The following SGF29 variants were observed in gnomAD, a reference collection of about 807,000 sequenced individuals.
The protein encoded by SGF29 is SAGA complex associated factor 29.
SGF29 carries 15 observed loss-of-function variants against 38.1 expected under a neutral mutation model. The observed-to-expected ratio is 0.39, with a 90% CI of 0.26 to 0.61. SGF29 has a LOEUF of 0.61. Ranked by LOEUF, SGF29 falls within the 20% of genes least tolerant of loss-of-function variation. SGF29 has a pLI of 0.49. For missense variants in SGF29, 184 were observed against 394.6 expected (o/e 0.47, Z 4.52); for synonymous variants, 151 against 160.8 (o/e 0.94, Z 0.46).
At chr16:28,557,330 A>G (rs571244337) in intron 1 of SGF29, among the ~76,000 whole-genome samples, 1 of 152,308 alleles carries the variant, frequency 6.6e-6, no homozygotes, top group South Asian at 2.1e-4. Flanking sequence ...ACTCTGTGAT[A>G]TTGTAAAATA....
intron 1 of SGF29, among the ~76,000 whole-genome samples, chr16:28,564,564 TAC>T (rs745318024): frequency 1.1e-4 from 13 of 121,880 alleles, no homozygotes; most frequent in East Asian, 2.2e-4. Context: ...TATATATATA[TAC>T]GTATATATAT....
intron 1 of SGF29, among the ~76,000 whole-genome samples, chr16:28,567,169 T>C (rs1218994903): frequency 1.3e-5 from 2 of 152,180 alleles, no homozygotes; most frequent in Admixed American, 6.6e-5. Flanking sequence ...AGTAGAAGTG[T>C]GTAAGAAATA....
intron 1 of SGF29, among the ~76,000 whole-genome samples, chr16:28,564,875 C>T (rs1322131525): frequency 6.7e-6 from 1 of 149,628 alleles, no homozygotes; most frequent in African/African-American, 2.5e-5. Flanking sequence ...GGTGAAATCC[C>T]ATGATAGGCC....
intron 2 of SGF29, among the ~76,000 whole-genome samples, chr16:28,582,385 G>GT (rs1555476364): frequency 1.1e-4 from 17 of 151,898 alleles, no homozygotes; most frequent in Admixed American, 1.1e-3. Flanking sequence ...ATGATGGGGG[G>GT]CACGCAACAT....
chr16:28,584,838 A>C (rs1241268772), intron 2 of SGF29, 75 bp from the exon 3 acceptor site: 2 of 950,788 alleles, frequency 2.1e-6, no homozygotes, highest in Admixed American at 2.2e-5. Context: ...GGGGATGGGG[A>C]CTCTGGCCTG....
At chr16:28,591,364 C>T (rs1228094985) in intron 9 of SGF29, among the ~76,000 whole-genome samples, 1 of 152,212 alleles carries the variant, frequency 6.6e-6, no homozygotes, top group Non-Finnish European at 1.5e-5. Flanking sequence ...GGAGTCAGCA[C>T]CCCTACTCCT....
At position 28,585,001 on chromosome 16, in the gene SGF29, G is replaced by A. The variant is rs778464911; in HGVS notation, c.151+13G>A. ...ACAGAGAACAAGAGTGAGTAGCTGG[G>A]CTCAGGAGAGAAAGGGGATGAGATG... On this transcript the variant is annotated intron_variant, in intron 3 of 9. Coordinates refer to ENST00000317058, the MANE Select transcript of SGF29 (RefSeq NM_138414.3). 36 of 1,610,498 alleles carry A rather than the reference G, an allele frequency of 2.2e-5. 1 individual carries two copies. The South Asian group carries it at 2.9e-4, about 13-fold the overall frequency.
intron 1 of SGF29, among the ~76,000 whole-genome samples, chr16:28,578,721 T>A (rs2151649569): frequency 6.8e-6 from 1 of 146,718 alleles, no homozygotes; most frequent in South Asian, 2.1e-4. Context: ...GGTGGGTGGA[T>A]CACGAGGTCA....
intron 1 of SGF29, among the ~76,000 whole-genome samples, chr16:28,564,695 A>ATGTATATATATG (rs2046820032): frequency 3.8e-5 from 2 of 52,000 alleles, no homozygotes; most frequent in Non-Finnish European, 9.2e-5. Flanking sequence ...GTGTATATAT[A>ATGTATATATATG]TGTATATATA....
chr16:28,564,685 GTGTATATATA>G (rs1245741586), intron 1 of SGF29, among the ~76,000 whole-genome samples: 5 of 71,190 alleles, frequency 7.0e-5, no homozygotes, highest in East Asian at 3.6e-4. Flanking sequence ...GTATATATAT[GTGTATATATA>G]TGTATATATA....
intron 4 of SGF29, 29 bp from the exon 5 acceptor site, chr16:28,589,071 C>A (rs1295716001): frequency 1.9e-6 from 3 of 1,613,202 alleles, no homozygotes; most frequent in Non-Finnish European, 1.7e-6. Flanking sequence ...GTTAACCAAA[C>A]CCTCTTTCTC....
chr16:28,589,386 C>T, intron 5 of SGF29: 1 of 534,982 alleles, frequency 1.9e-6, no homozygotes, highest in Non-Finnish European at 3.4e-6. Flanking sequence ...AGAGATCATC[C>T]CGCCCTGGCC....
chr16:28,563,717 T>C (rs927242957), intron 1 of SGF29, among the ~76,000 whole-genome samples: 1 of 112,100 alleles, frequency 8.9e-6, no homozygotes, highest in Non-Finnish European at 2.0e-5. Context: ...GAAACAGACT[T>C]TTTTTTTTTT....
At chr16:28,583,254 C>T (rs1368254621) in intron 2 of SGF29, among the ~76,000 whole-genome samples, 2 of 152,230 alleles carry the variant, frequency 1.3e-5, no homozygotes, top group African/African-American at 2.4e-5. Flanking sequence ...TCTGTTAACT[C>T]GGCTACTGTT....
At chr16:28,580,967 T>A in intron 1 of SGF29, 88 bp from the exon 2 acceptor site, 1 of 987,476 alleles carries the variant, frequency 1.0e-6, no homozygotes, top group Non-Finnish European at 1.6e-6. Context: ...AGCATGAGCC[T>A]CCAGGCCTAA....
chr16:28,581,465 A>G (rs939123791), intron 2 of SGF29, among the ~76,000 whole-genome samples: 1 of 152,210 alleles, frequency 6.6e-6, no homozygotes, highest in African/African-American at 2.4e-5. Context: ...GATCAATTTC[A>G]GAACATTTTT....
chr16:28,561,248 T>C (rs2046787700), intron 1 of SGF29, among the ~76,000 whole-genome samples: 2 of 150,678 alleles, frequency 1.3e-5, no homozygotes, highest in Non-Finnish European at 3.0e-5. Flanking sequence ...AAAAATTAGC[T>C]GGACAGGCAC....
At chr16:28,556,535 CAG>C (rs1424810076) in intron 1 of SGF29, among the ~76,000 whole-genome samples, 1 of 152,180 alleles carries the variant, frequency 6.6e-6, no homozygotes, top group East Asian at 1.9e-4. Flanking sequence ...TTAGTAGAGA[CAG>C]GGTTTCACCA....
chr16:28,590,283 G>A lies in SGF29; in HGVS notation c.420-13G>A. 2 of 1,608,458 alleles carry A rather than the reference G, an allele frequency of 1.2e-6. No homozygotes were observed. Among genetic ancestry groups the A allele is most frequent in the Non-Finnish European group, 1.7e-6 (2 of 1,177,680 alleles). On this transcript the variant is annotated splice_polypyrimidine_tract_variant and intron_variant, in intron 6 of 9. Transcript: ENST00000317058. The surrounding 1 kb of genome is among the most constrained non-coding windows in gnomAD (Gnocchi z 8.2). ...GCCCAGGGGCTGGGACTGACCCTTT[G>A]TTCCACTCACAGGCCCCCACCCCTC...
Sources: allele counts gnomAD v4.1 joint callset (sites outside exome capture counted in the v4.1 genomes callset), GRCh38; gene constraint gnomAD v4.1.1; non-coding constraint Gnocchi (gnomAD v3.1); transcripts MANE v1.5; gene names NCBI Gene and HGNC (gene_info 2026-07-23, HGNC 2026-07-21).